LEO1: variants seen among roughly 807,000 people sequenced by gnomAD.
LEO1 encodes the protein RNA polymerase-associated protein LEO1.
LEO1 carries 34 observed loss-of-function variants against 80.4 expected under a neutral mutation model. The observed-to-expected ratio is 0.42, with a 90% CI of 0.32 to 0.56. LEO1 has a LOEUF of 0.56. LEO1 is among the 20% of genes least tolerant of loss of function. The pLI, the probability that LEO1 is intolerant of heterozygous loss-of-function variation, is 0.10. For synonymous variants in LEO1, 262 were observed against 274.9 expected (o/e 0.95, Z 0.46); for missense variants, 631 against 814.2 (o/e 0.77, Z 2.74).
chr15:51,951,472 C>T (rs2056948255), intron 9 of LEO1, among the ~76,000 whole-genome samples: 2 of 152,204 alleles, frequency 1.3e-5, no homozygotes, highest in African/African-American at 4.8e-5. Context: ...CTCATTCAAA[C>T]TCCTGGTCTA....
intron 2 of LEO1, among the ~76,000 whole-genome samples, chr15:51,963,244 C>T (rs1440057123): frequency 6.6e-6 from 1 of 152,012 alleles, no homozygotes; most frequent in Non-Finnish European, 1.5e-5. Context: ...CCACTGCACT[C>T]CAGCCTGGGT....
chr15:51,966,403 C>T lies in LEO1; in HGVS notation c.160G>A (p.Gly54Arg), dbSNP rs1183428692. Residue 54 changes from glycine to arginine, a missense_variant, in exon 2 of 12, where the codon GGA becomes AGA. Coordinates refer to ENST00000299601, the MANE Select transcript of LEO1 (RefSeq NM_138792.4). ...AACAGTTCCTTATTACTTGGTTGTCCTGAATCACCTCTTTCATCCTGATCA... is the reference window on the plus strand; with the variant it reads ...AACAGTTCCTTATTACTTGGTTGTCTTGAATCACCTCTTTCATCCTGATCA... The part of the protein sequence containing the change: ...ESDQDERGDS[G>R]QPSNKELFGD... The T allele has an allele frequency of 6.2e-6, 10 of 1,614,016 alleles. No homozygotes were observed. The African/African-American group carries it at 1.2e-4, about 19-fold the overall frequency.
chr15:51,941,927 G>A (rs2056856234), intron 11 of LEO1, among the ~76,000 whole-genome samples: 1 of 152,242 alleles, frequency 6.6e-6, no homozygotes, highest in South Asian at 2.1e-4. Context: ...CCATACAAGT[G>A]GGAAAGGGTA....
intron 6 of LEO1, among the ~76,000 whole-genome samples, chr15:51,956,840 G>T (rs1042206280): frequency 6.6e-6 from 1 of 151,822 alleles, no homozygotes; most frequent in Non-Finnish European, 1.5e-5. Context: ...TTTTTTTTGG[G>T]GGGGAGACAG....
intron 1 of LEO1, among the ~76,000 whole-genome samples, chr15:51,968,129 G>A (rs2057093083): frequency 6.6e-6 from 1 of 152,216 alleles, no homozygotes; most frequent in Admixed American, 6.5e-5. Flanking sequence ...GTTGCAGTGA[G>A]CCAAGATCAT....
intron 2 of LEO1, among the ~76,000 whole-genome samples, chr15:51,964,997 G>A (rs986171601): frequency 9.9e-5 from 15 of 152,092 alleles, no homozygotes; most frequent in South Asian, 4.1e-4. Context: ...ACCCAAGCTC[G>A]TCTCTGTAGG....
At position 51,953,937 on chromosome 15, in the gene LEO1, C is replaced by CT. The variant is rs112885993; in HGVS notation, c.1340+543dup. On this transcript the variant is annotated intron_variant, in intron 7 of 11. Transcript: ENST00000299601. The stretch of plus-strand genomic sequence containing the variant: ...GAGAACTGTGTCTATGAAATTTTTT[C>CT]TTTTTTTTTTTTTTGAGACGGCATC... 2.5e-3 allele frequency among the ~76,000 whole-genome samples: 343 copies of CT among 139,328 alleles called. 2 individuals carry two copies. The highest frequency in any genetic ancestry group is 0.012 in the South Asian group (51 of 4,212). 91.4% of individuals were successfully genotyped at this position (139,328 alleles called of 152,430 possible).
intron 11 of LEO1, among the ~76,000 whole-genome samples, chr15:51,938,955 G>T (rs767030456): frequency 2.6e-5 from 4 of 152,070 alleles, no homozygotes; most frequent in South Asian, 2.1e-4. Flanking sequence ...GAGGCCAAAG[G>T]GGGTGGATCA....
chr15:51,971,141 A>G (rs2057119614), intron 1 of LEO1, among the ~76,000 whole-genome samples: 1 of 152,134 alleles, frequency 6.6e-6, no homozygotes, highest in Non-Finnish European at 1.5e-5. Flanking sequence ...ACAAGCTCTT[A>G]GAGAACACAT....
chr15:51,960,692 T>G lies in LEO1; in HGVS notation c.961A>C (p.Ile321Leu). The G allele has an allele frequency of 1.9e-6, 3 of 1,612,020 alleles. No homozygotes were observed. The highest frequency in any genetic ancestry group is 2.5e-6 in the Non-Finnish European group (3 of 1,178,046). ...TMDLFGGADD[I>L]SSGSDGEDKP... ...TCTTCTCCATCACTCCCTGAAGAGA[T>G]ATCATCTGCACCTCCAAATAAATCC... The change falls in exon 4 of 12, where the codon ATC (isoleucine) becomes CTC (leucine). Residue 321 changes from isoleucine (I) to leucine (L), a missense_variant. This residue lies in a region of LEO1 where 394 missense variants were observed against 395.6 expected (regional missense o/e 1.00). Coordinates refer to ENST00000299601, the MANE Select transcript of LEO1 (RefSeq NM_138792.4).
At position 51,951,847 on chromosome 15, in the gene LEO1, A is replaced by C; in HGVS notation, c.1608T>G (p.Ile536Met). ...RDPECQRTEM[I>M]KKEEERLRAS... ...CGCTTAGGCTTAGCAAACATACCTT[A>C]ATCATTTCTGTGCGTTGGCATTCAG... Residue 536 changes from isoleucine to methionine, a missense_variant, in exon 9 of 12, where the codon ATT becomes ATG. Ile to Met is a conservative substitution (Grantham distance 10). This residue lies in a region of LEO1 where 117 missense variants were observed against 163.5 expected (regional missense o/e 0.72). Coordinates refer to ENST00000299601, the MANE Select transcript of LEO1 (RefSeq NM_138792.4). The C allele has an allele frequency of 6.2e-7, 1 of 1,613,864 alleles. No homozygotes were observed. The highest frequency in any genetic ancestry group is 8.5e-7 in the Non-Finnish European group (1 of 1,179,804).
At chr15:51,942,623 A>G (rs2056862695) in intron 11 of LEO1, among the ~76,000 whole-genome samples, 1 of 152,160 alleles carries the variant, frequency 6.6e-6, no homozygotes, top group African/African-American at 2.4e-5. Context: ...ACGTTGCAGA[A>G]CAATGAAACA....
At chr15:51,954,293 G>C (rs570286242) in intron 7 of LEO1, among the ~76,000 whole-genome samples, 188 bp downstream of exon 7, 9 of 151,840 alleles carry the variant, frequency 5.9e-5, no homozygotes, top group Non-Finnish European at 1.2e-4. Flanking sequence ...GAGATGGGAG[G>C]ATCACTTAGG....
Position 51,970,650 on chromosome 15 carries a change from G to T in LEO1, c.58+1038C>A, listed in dbSNP as rs555978501. On this transcript the variant is annotated intron_variant, in intron 1 of 11. Transcript: ENST00000299601. Reference sequence around the variant, plus strand: ...GAAATTCCCAGAACAGATAAGTACAGAAACAATAGCAGACAGGGGTTGGAG... The same window carrying T: ...GAAATTCCCAGAACAGATAAGTACATAAACAATAGCAGACAGGGGTTGGAG... 7.2e-5 allele frequency among the ~76,000 whole-genome samples: 11 copies of T among 152,312 alleles called. No individual in the cohort carries two copies. In the East Asian group the frequency reaches 1.3e-3, roughly 19 times the overall value.
intron 6 of LEO1, among the ~76,000 whole-genome samples, chr15:51,958,540 G>A (rs1424081238): frequency 1.3e-5 from 2 of 152,106 alleles, no homozygotes; most frequent in Admixed American, 6.6e-5. Flanking sequence ...TGACCAGATG[G>A]TATAAGGTAT....
At chr15:51,948,957 C>A (rs574020440) in intron 10 of LEO1, among the ~76,000 whole-genome samples, 1 of 152,314 alleles carries the variant, frequency 6.6e-6, no homozygotes, top group South Asian at 2.1e-4. Context: ...AACTACGTGC[C>A]TTTGGGCAAA....
chr15:51,938,754 G>GTT (rs1186062353), intron 11 of LEO1, among the ~76,000 whole-genome samples: 17 of 152,172 alleles, frequency 1.1e-4, no homozygotes, highest in Admixed American at 3.3e-4. Flanking sequence ...AGTTTCCTCT[G>GTT]TTTAAAATCA....
At position 51,941,996 on chromosome 15, in the gene LEO1, C is replaced by T. The variant is rs533436938; in HGVS notation, c.1897-3736G>A. On this transcript the variant is annotated intron_variant, in intron 11 of 11. Transcript: ENST00000299601. Reference sequence around the variant, plus strand: ...ACTGGCCCTTGCCCCCATTTCAAGGCATGCTATGATGATAATGGTGTTCTC... The same window carrying T: ...ACTGGCCCTTGCCCCCATTTCAAGGTATGCTATGATGATAATGGTGTTCTC... 1.5e-4 allele frequency among the ~76,000 whole-genome samples: 23 copies of T among 152,322 alleles called. No homozygotes were observed. The South Asian group carries it at 4.1e-3, about 27-fold the overall frequency.
intron 11 of LEO1, among the ~76,000 whole-genome samples, chr15:51,939,139 C>G (rs2056826209): frequency 6.6e-6 from 1 of 152,150 alleles, no homozygotes; most frequent in Admixed American, 6.5e-5. Flanking sequence ...AAGCTGAGAT[C>G]GCACCACTAT....
Sources: gnomAD v4.1 joint callset for allele counts (sites outside exome capture counted in the v4.1 genomes callset) on GRCh38, gnomAD v4.1.1 for gene constraint, gnomAD v4.1.1 regional missense constraint, MANE v1.5 for transcripts, NCBI Gene and HGNC (gene_info 2026-07-23, HGNC 2026-07-21) for gene names.